MAGI2: variants seen among roughly 807,000 people sequenced by gnomAD.
MAGI2 encodes membrane associated guanylate kinase, WW and PDZ domain containing 2.
MAGI2 carries 35 observed loss-of-function variants against 133.3 expected under a neutral mutation model. The ratio of observed to expected loss-of-function variants is 0.26; its 90% confidence interval spans 0.20 to 0.35. MAGI2 has a LOEUF of 0.35. MAGI2 is among the 10% of genes least tolerant of loss of function. The pLI, the probability that MAGI2 is intolerant of heterozygous loss-of-function variation, is 1.00. For synonymous variants in MAGI2, 729 were observed against 710.6 expected (o/e 1.03, Z -0.41); for missense variants, 1,636 against 1,863.4 (o/e 0.88, Z 2.25).
chr7:78,217,864 C>T (rs1004020068), intron 10 of MAGI2, among the ~76,000 whole-genome samples: 3 of 152,202 alleles, frequency 2.0e-5, no homozygotes, highest in African/African-American at 7.2e-5. Context: ...GCAATAGTGA[C>T]CACTTGGTAG....
chr7:78,905,982 AG>A (rs1413333283), intron 2 of MAGI2, among the ~76,000 whole-genome samples: 1 of 152,192 alleles, frequency 6.6e-6, no homozygotes, highest in African/African-American at 2.4e-5. Flanking sequence ...CATAGCAGCA[AG>A]TCTTCAGTAT....
intron 16 of MAGI2, 49 bp from the exon 17 acceptor site, chr7:78,135,255 G>C (rs774249581): frequency 7.0e-7 from 1 of 1,426,596 alleles, no homozygotes; most frequent in Admixed American, 1.7e-5. Context: ...ACCAATACAT[G>C]TTCTTTCAGT....
rs552330362 is a variant in MAGI2 at position 78,889,370 on chromosome 7, T to C, written c.418+117720A>G. Among the ~76,000 whole-genome samples, 102 of 152,138 alleles carry C rather than the reference T, an allele frequency of 6.7e-4. 1 individual carries two copies. Among genetic ancestry groups the C allele is most frequent in the Middle Eastern group, 3.4e-3 (1 of 294 alleles). ...CAGGCCAACATTCAAATTCAGGAAA[T>C]ACAGAGAATGCCACAAAGATACTCC... On this transcript the variant is annotated intron_variant, in intron 2 of 21. Coordinates refer to ENST00000354212, the MANE Select transcript of MAGI2 (RefSeq NM_012301.4).
chr7:78,981,495 TC>T (rs1804778673), intron 2 of MAGI2, among the ~76,000 whole-genome samples: 2 of 151,870 alleles, frequency 1.3e-5, no homozygotes, highest in Non-Finnish European at 1.5e-5. Context: ...TTCTATTTTT[TC>T]ATTATAATTT....
intron 1 of MAGI2, among the ~76,000 whole-genome samples, chr7:79,451,500 T>C (rs1205746881): frequency 6.6e-6 from 1 of 152,222 alleles, no homozygotes; most frequent in Non-Finnish European, 1.5e-5. Flanking sequence ...CCTTCAGTGT[T>C]AAATAGTATG....
At position 78,546,676 on chromosome 7, in the gene MAGI2, ATC is replaced by A. The variant is rs3086440; in HGVS notation, c.539-25033_539-25032del. ...ATCACACCCGTTGTCAAAGATCCTC[ATC>A]TCTCTCTCTCTCTCTCTCTCTCTAC... On this transcript the variant is annotated intron_variant, in intron 3 of 21. Transcript: ENST00000354212. Among the ~76,000 whole-genome samples the A allele has an allele frequency of 9.2e-3, 1,380 of 150,670 alleles. 20 individuals are homozygous for A. The highest frequency in any genetic ancestry group is 0.03 in the African/African-American group (1,249 of 41,008).
intron 1 of MAGI2, among the ~76,000 whole-genome samples, chr7:79,369,740 T>C (rs1276094995): frequency 6.6e-6 from 1 of 152,190 alleles, no homozygotes; most frequent in Admixed American, 6.6e-5. Flanking sequence ...TACATATGTG[T>C]GTTTATTGCT....
At chr7:78,775,533 G>A (rs569948466) in intron 2 of MAGI2, among the ~76,000 whole-genome samples, 1 of 151,998 alleles carries the variant, frequency 6.6e-6, no homozygotes, top group African/African-American at 2.4e-5. Flanking sequence ...TCCCCTTCCT[G>A]AAATGACCTC....
At chr7:79,106,757 A>T (rs1818487452) in intron 1 of MAGI2, among the ~76,000 whole-genome samples, 1 of 152,308 alleles carries the variant, frequency 6.6e-6, no homozygotes, top group Middle Eastern at 3.4e-3. Flanking sequence ...GTGTTCTCTA[A>T]GTGTTTAAGA....
At chr7:79,274,836 G>T (rs187193784) in intron 1 of MAGI2, among the ~76,000 whole-genome samples, 1 of 151,932 alleles carries the variant, frequency 6.6e-6, no homozygotes, top group East Asian at 1.9e-4. Flanking sequence ...AAACTTTTTT[G>T]TTATTATTAT....
chr7:78,570,607 C>CA lies in MAGI2; in HGVS notation c.539-48963_539-48962insT, dbSNP rs1554479952. 1.6e-4 allele frequency among the ~76,000 whole-genome samples: 25 copies of CA among 151,910 alleles called. No individual in the cohort carries two copies. In the East Asian group the frequency reaches 4.6e-3, roughly 28 times the overall value. On this transcript the variant is annotated intron_variant, in intron 3 of 21. Transcript: ENST00000354212. ...TCTGTGATAGGAACATGATAAAAAC[C>CA]TTTTTTTTCCTCACAGAGTATCTTG...
chr7:79,048,435 T>A (rs1347527812), intron 1 of MAGI2, among the ~76,000 whole-genome samples: 1 of 152,222 alleles, frequency 6.6e-6, no homozygotes, highest in African/African-American at 2.4e-5. Context: ...TATTTCTGCA[T>A]GTTTTAAGTC....
At chr7:79,254,337 A>G (rs921324111) in intron 1 of MAGI2, among the ~76,000 whole-genome samples, 1 of 152,066 alleles carries the variant, frequency 6.6e-6, no homozygotes, top group Non-Finnish European at 1.5e-5. Flanking sequence ...TGTTTATGGC[A>G]TTTTCAACTC....
intron 1 of MAGI2, among the ~76,000 whole-genome samples, chr7:79,062,706 TGCACCTCCATGCCAGCGA>T (rs1275768795): frequency 1.3e-5 from 2 of 152,142 alleles, no homozygotes; most frequent in African/African-American, 4.8e-5. Flanking sequence ...GGTGCATCCA[TGCACCTCCATGCCAGCGA>T]GGAAGCTCCT....
At chr7:78,661,574 G>A (rs1398654417) in intron 2 of MAGI2, among the ~76,000 whole-genome samples, 1 of 152,018 alleles carries the variant, frequency 6.6e-6, no homozygotes, top group East Asian at 1.9e-4. Context: ...CATGTCTTTC[G>A]ACTTTGATTC....
chr7:79,368,351 C>T (rs1375236502), intron 1 of MAGI2, among the ~76,000 whole-genome samples: 1 of 152,052 alleles, frequency 6.6e-6, no homozygotes, highest in East Asian at 1.9e-4. Context: ...CTCAGAAAAA[C>T]CCCACCCAGG....
intron 1 of MAGI2, among the ~76,000 whole-genome samples, chr7:79,025,557 A>G (rs1290177722): frequency 6.6e-6 from 1 of 152,186 alleles, no homozygotes; most frequent in Non-Finnish European, 1.5e-5. Flanking sequence ...GCATGGGTAC[A>G]TATTTGTTAG....
intron 2 of MAGI2, among the ~76,000 whole-genome samples, chr7:78,721,487 A>G (rs1468456145): frequency 6.6e-6 from 1 of 152,058 alleles, no homozygotes. Context: ...TTTAGAAAGC[A>G]GAGAATAGAT....
chr7:78,993,062 A>G (rs1374271685), intron 2 of MAGI2, among the ~76,000 whole-genome samples: 1 of 152,078 alleles, frequency 6.6e-6, no homozygotes, highest in Non-Finnish European at 1.5e-5. Context: ...AAAGTTGTGA[A>G]TAAAAAATGA....
Sources: allele counts gnomAD v4.1 joint callset (sites outside exome capture counted in the v4.1 genomes callset), GRCh38; gene constraint gnomAD v4.1.1; transcripts MANE v1.5; gene names NCBI Gene and HGNC (gene_info 2026-07-23, HGNC 2026-07-21).